The following TMPRSS6 variants were observed in gnomAD, a reference collection of about 807,000 sequenced individuals.
TMPRSS6 encodes the protein transmembrane protease serine 6.
TMPRSS6 carries 67 observed loss-of-function variants against 101.5 expected under a neutral mutation model. The observed-to-expected ratio is 0.66, with a 90% CI of 0.54 to 0.81. The LOEUF is 0.81. Ranked by LOEUF, TMPRSS6 falls within the 30% of genes least tolerant of loss-of-function variation. The pLI is 0.00. For synonymous variants in TMPRSS6, 453 were observed against 464.9 expected, an observed-to-expected ratio of 0.97 and a Z score of 0.33; for missense variants, 1,034 against 1,088.7, an observed-to-expected ratio of 0.95 and a Z score of 0.71.
At chr22:37,073,497 G>T (rs1012609002) in intron 13 of TMPRSS6, 35 bp downstream of exon 13, 2 of 1,476,498 alleles carry the variant, frequency 1.4e-6, no homozygotes, top group Non-Finnish European at 1.9e-6. Context: ...ACTGCCTTTG[G>T]TGTCCCTCCA....
intron 10 of TMPRSS6, among the ~76,000 whole-genome samples, chr22:37,081,983 A>ACC (rs1254265409): frequency 6.6e-6 from 1 of 152,034 alleles, no homozygotes; most frequent in Non-Finnish European, 1.5e-5. Context: ...CGTGTTCCAC[A>ACC]CTCTCTCTGT....
chr22:37,082,494 A>G lies in TMPRSS6; in HGVS notation c.1196+1801T>C, dbSNP rs533254985. 8.5e-5 allele frequency: 14 copies of G among 163,892 alleles called. No homozygotes were observed. The South Asian group carries it at 2.0e-3, about 24-fold the overall frequency. 10.2% of individuals were successfully genotyped at this position (163,892 alleles called of 1,614,324 possible). ...TCATTCGCAGAACTGTGAATCATGG[A>G]TCCATCTCAGGGTCACCCTGCGGGT... On this transcript the variant is annotated intron_variant, in intron 10 of 17. Transcript: ENST00000676104.
chr22:37,070,892 C>A, intron 14 of TMPRSS6, 24 bp downstream of exon 14: 1 of 1,606,854 alleles, frequency 6.2e-7, no homozygotes, highest in Non-Finnish European at 8.5e-7. Flanking sequence ...AGCTCCAGGG[C>A]CCCGGCAGCC....
At chr22:37,082,708 C>T in intron 10 of TMPRSS6, 1 of 347,504 alleles carries the variant, frequency 2.9e-6, no homozygotes, top group Non-Finnish European at 5.6e-6. Context: ...GCAGCACAGG[C>T]CTGATGTCAC....
intron 8 of TMPRSS6, 52 bp downstream of exon 8, chr22:37,086,231 C>T (rs1928748628): frequency 1.2e-6 from 2 of 1,613,180 alleles, no homozygotes; most frequent in Non-Finnish European, 1.7e-6. Flanking sequence ...GTGGAGGGCC[C>T]TTGGATTCTA....
At chr22:37,092,810 A>G (rs5756510) in intron 6 of TMPRSS6, among the ~76,000 whole-genome samples, 3 of 152,044 alleles carry the variant, frequency 2.0e-5, no homozygotes, top group African/African-American at 7.2e-5. Flanking sequence ...CCCAAATCTG[A>G]TGCCCCCTCC....
At chr22:37,107,868 GC>G (rs1342545644) in intron 1 of TMPRSS6, among the ~76,000 whole-genome samples, 1 of 152,128 alleles carries the variant, frequency 6.6e-6, no homozygotes, top group East Asian at 1.9e-4. Context: ...AATTACAGAG[GC>G]CTAAATTGCC....
chr22:37,067,257 G>A (rs1926392428), intron 16 of TMPRSS6, among the ~76,000 whole-genome samples: 1 of 152,070 alleles, frequency 6.6e-6, no homozygotes, highest in Non-Finnish European at 1.5e-5. Flanking sequence ...GAACACCTGA[G>A]GTCAAGAGTT....
At chr22:37,106,961 T>C (rs1002672936) in intron 1 of TMPRSS6, among the ~76,000 whole-genome samples, 3 of 152,218 alleles carry the variant, frequency 2.0e-5, no homozygotes, top group African/African-American at 4.8e-5. Flanking sequence ...AGAATATGCC[T>C]TGGCTTTGGG....
At chr22:37,072,948 C>T (rs1047788312) in intron 13 of TMPRSS6, among the ~76,000 whole-genome samples, 4 of 115,904 alleles carry the variant, frequency 3.5e-5, no homozygotes, top group Non-Finnish European at 5.2e-5. Flanking sequence ...GATGGATGAT[C>T]GATGGGTGGA....
intron 13 of TMPRSS6, among the ~76,000 whole-genome samples, chr22:37,072,619 CGATGGAT>C (rs1927167557): frequency 1.5e-5 from 2 of 130,442 alleles, no homozygotes; most frequent in Non-Finnish European, 3.2e-5. Flanking sequence ...GGATGATGGA[CGATGGAT>C]GGATGGATGA....
chr22:37,076,659 G>T (rs757657715), intron 10 of TMPRSS6, among the ~76,000 whole-genome samples: 1 of 152,180 alleles, frequency 6.6e-6, no homozygotes, highest in Non-Finnish European at 1.5e-5. Flanking sequence ...ACTCCCCCAG[G>T]ACAGTGGGAC....
At chr22:37,076,538 C>T (rs1436285829) in intron 10 of TMPRSS6, among the ~76,000 whole-genome samples, 2 of 152,140 alleles carry the variant, frequency 1.3e-5, no homozygotes, top group African/African-American at 4.8e-5. Flanking sequence ...CAGGTAGGAG[C>T]CCTCCCATCT....
intron 6 of TMPRSS6, among the ~76,000 whole-genome samples, 180 bp from the exon 7 acceptor site, chr22:37,089,962 G>T (rs966677880): frequency 6.6e-6 from 1 of 152,246 alleles, no homozygotes; most frequent in African/African-American, 2.4e-5. Flanking sequence ...CCTCATTCAT[G>T]CATTTGTTCA....
chr22:37,069,354 G>C lies in TMPRSS6; in HGVS notation c.1842-10C>G, dbSNP rs1217862137. 4.1e-6 allele frequency: 6 copies of C among 1,469,686 alleles called. No homozygotes were observed. The highest frequency in any genetic ancestry group is 5.5e-6 in the Non-Finnish European group (6 of 1,087,850). The allele number at this position is 1,469,686 out of a possible 1,614,324, so 91.0% of individuals were successfully genotyped here. ...CACCGTGGAGGCCATGCTGGGGTGG[G>C]GTGGGGTGGGGTGGGGTGGGGTGAG... On this transcript the variant is annotated splice_polypyrimidine_tract_variant and intron_variant, in intron 15 of 17. Coordinates refer to ENST00000676104, the MANE Select transcript of TMPRSS6 (RefSeq NM_001374504.1). The surrounding 1 kb of genome is among the most constrained non-coding windows in gnomAD (Gnocchi z 4.8).
intron 12 of TMPRSS6, 56 bp from the exon 13 acceptor site, chr22:37,073,701 G>A (rs1927356558): frequency 8.5e-7 from 1 of 1,180,418 alleles, no homozygotes; most frequent in Non-Finnish European, 1.3e-6. Flanking sequence ...AGCCAGCCGG[G>A]GCTTGGCGAT....
At chr22:37,083,211 C>G (rs1441322172) in intron 10 of TMPRSS6, 9 of 384,566 alleles carry the variant, frequency 2.3e-5, no homozygotes, top group African/African-American at 1.5e-4. Flanking sequence ...CTCCTCTTTC[C>G]TGACGCTGAC....
intron 10 of TMPRSS6, among the ~76,000 whole-genome samples, chr22:37,078,993 G>GAAAGAAAGAAAGAAAGAAAGA (rs1601536302): frequency 2.0e-5 from 3 of 150,930 alleles, no homozygotes; most frequent in East Asian, 1.9e-4. Flanking sequence ...AAGAAAGAAA[G>GAAAGAAAGAAAGAAAGAAAGA]AAAGAAAGAA....
At chr22:37,079,148 G>A (rs1277432540) in intron 10 of TMPRSS6, among the ~76,000 whole-genome samples, 1 of 152,142 alleles carries the variant, frequency 6.6e-6, no homozygotes, top group Non-Finnish European at 1.5e-5. Flanking sequence ...CTCTCTGGGG[G>A]AGGGTGCACA....
Sources: gnomAD v4.1 joint callset for allele counts (sites outside exome capture counted in the v4.1 genomes callset) on GRCh38, gnomAD v4.1.1 for gene constraint, Gnocchi (gnomAD v3.1) non-coding constraint, MANE v1.5 for transcripts, NCBI Gene and HGNC (gene_info 2026-07-23, HGNC 2026-07-21) for gene names.